The following TLL1 variants were observed in gnomAD, a reference collection of about 807,000 sequenced individuals.
TLL1 encodes the protein tolloid-like protein 1.
Under a neutral mutation model 128.2 loss-of-function variants are expected in TLL1, and 49 were observed. The ratio of observed to expected loss-of-function variants is 0.38; its 90% CI spans 0.30 to 0.48. The LOEUF is 0.48. Among genes scored for constraint, TLL1 ranks in the 20% least tolerant of loss-of-function variants. TLL1 has a pLI of 0.96. For synonymous variants in TLL1, 454 were observed against 418.8 expected, an observed-to-expected ratio of 1.08 and a Z score of -1.03; for missense variants, 1,123 against 1,242.0, an observed-to-expected ratio of 0.90 and a Z score of 1.44.
In TLL1 at chr4:165,927,647, G is replaced by A. The variant is rs186233462; in HGVS notation, c.169+53574G>A. On this transcript the variant is annotated intron_variant, in intron 1 of 20. Coordinates refer to ENST00000061240, the MANE Select transcript of TLL1 (RefSeq NM_012464.5). ...TCCTGTAAGATTGTTCATCTAGGGCGGTTATTCCCAACCAGGAGCAATTTT... is the reference window on the plus strand; with the variant it reads ...TCCTGTAAGATTGTTCATCTAGGGCAGTTATTCCCAACCAGGAGCAATTTT... Among the ~76,000 whole-genome samples, 105 of 152,216 alleles carry A rather than the reference G, an allele frequency of 6.9e-4. 1 individual carries two copies. The highest frequency in any genetic ancestry group is 2.4e-3 in the African/African-American group (99 of 41,546).
intron 1 of TLL1, among the ~76,000 whole-genome samples, chr4:165,984,690 T>A (rs1386587608): frequency 1.3e-5 from 2 of 151,930 alleles, no homozygotes; most frequent in Non-Finnish European, 2.9e-5. Context: ...ATCCCATAAA[T>A]CTCAAGATAA....
At chr4:165,878,073 C>T (rs995639404) in intron 1 of TLL1, among the ~76,000 whole-genome samples, 10 of 152,030 alleles carry the variant, frequency 6.6e-5, no homozygotes. Flanking sequence ...TAGTCAGTGC[C>T]CCAGTGTCCT....
At chr4:165,884,948 T>C (rs1731106540) in intron 1 of TLL1, among the ~76,000 whole-genome samples, 1 of 152,238 alleles carries the variant, frequency 6.6e-6, no homozygotes, top group Non-Finnish European at 1.5e-5. Flanking sequence ...TGTATCCTTA[T>C]TCTTAAATAC....
chr4:165,998,940 G>A (rs760103499), intron 5 of TLL1, among the ~76,000 whole-genome samples: 1 of 152,100 alleles, frequency 6.6e-6, no homozygotes, highest in Non-Finnish European at 1.5e-5. Context: ...TAGGCAGTAC[G>A]GGTGTGCTAG....
rs571697932 is a variant in TLL1 at position 166,043,119 on chromosome 4, A to G, written c.1379-155A>G. ...ACTAGGTTTTTTTTACCACATAAAT[A>G]TTTGCTACATTACAACCAGTCAACT... On this transcript the variant is annotated intron_variant, in intron 11 of 20. Transcript: ENST00000061240. 2.0e-5 allele frequency among the ~76,000 whole-genome samples: 3 copies of G among 152,234 alleles called. No individual in the cohort carries two copies. In the East Asian group the frequency reaches 5.8e-4, roughly 29 times the overall value.
Position 166,042,145 on chromosome 4 carries a change from T to C in TLL1, c.1378+2T>C, listed in dbSNP as rs1739266380. ...AAGGCTTTGCAGCTGTCTATGAAGG[T>C]AAGTCACATTGAATTTTAGAGAGTA... On this transcript the variant is annotated splice_donor_variant, in intron 11 of 20. Coordinates refer to ENST00000061240, the MANE Select transcript of TLL1 (RefSeq NM_012464.5). LOFTEE classifies it high-confidence loss of function. The C allele has an allele frequency of 6.3e-7, 1 of 1,591,500 alleles. No homozygotes were observed. The highest frequency in any genetic ancestry group is 1.3e-5 in the African/African-American group (1 of 74,478).
chr4:165,877,740 G>A (rs1215546106), intron 1 of TLL1, among the ~76,000 whole-genome samples: 1 of 148,196 alleles, frequency 6.7e-6, no homozygotes, highest in Admixed American at 6.7e-5. Flanking sequence ...TCCATTCCTT[G>A]CTTTTTTACT....
In TLL1 at chr4:165,873,640, C is replaced by T. The variant is rs28391614; in HGVS notation, c.-265C>T. ...AGTTTGCCTGCGCCCTCCCCGCCTC[C>T]GAGTGCAGAGTTCCTTACCTGCCCT... On this transcript the variant is annotated 5_prime_UTR_variant, in exon 1 of 21. Transcript: ENST00000061240. 7.3e-5 allele frequency: 24 copies of T among 330,746 alleles called. 1 individual carries two copies. Among genetic ancestry groups the T allele is most frequent in the Non-Finnish European group, 2.2e-5 (4 of 181,618 alleles). 20.5% of individuals were successfully genotyped at this position (330,746 alleles called of 1,614,324 possible).
intron 1 of TLL1, among the ~76,000 whole-genome samples, chr4:165,889,009 A>T (rs144036673): frequency 1.8e-4 from 28 of 152,248 alleles, no homozygotes; most frequent in Non-Finnish European, 2.6e-4. Flanking sequence ...TCTCTCATTC[A>T]CTCAGTGATG....
chr4:166,019,539 G>A (rs188504778), intron 8 of TLL1, among the ~76,000 whole-genome samples: 1 of 151,894 alleles, frequency 6.6e-6, no homozygotes, highest in Admixed American at 6.6e-5. Flanking sequence ...GCTTTATTAG[G>A]GCATTTTATG....
chr4:166,024,314 A>G (rs1201331614), intron 8 of TLL1, among the ~76,000 whole-genome samples: 1 of 152,150 alleles, frequency 6.6e-6, no homozygotes. Context: ...AGATCCATTT[A>G]TAATTTATTG....
At chr4:165,956,569 C>T (rs958175810) in intron 1 of TLL1, among the ~76,000 whole-genome samples, 2 of 151,994 alleles carry the variant, frequency 1.3e-5, no homozygotes, top group Non-Finnish European at 2.9e-5. Flanking sequence ...GCAGTCAGAC[C>T]TTATGGTTGT....
intron 18 of TLL1, among the ~76,000 whole-genome samples, chr4:166,085,982 A>C (rs1741495479): frequency 6.6e-6 from 1 of 152,132 alleles, no homozygotes; most frequent in Admixed American, 6.6e-5. Flanking sequence ...ATAGGTATAA[A>C]CAAGCTTTCT....
At chr4:165,939,715 G>T (rs1314498154) in intron 1 of TLL1, among the ~76,000 whole-genome samples, 1 of 151,820 alleles carries the variant, frequency 6.6e-6, no homozygotes, top group Non-Finnish European at 1.5e-5. Context: ...TGAGTCACAG[G>T]TATTTTTTAG....
rs1264740915 is a variant in TLL1, at chr4:166,060,070, C to T, written c.1889C>T (p.Thr630Ile). 6.2e-7 allele frequency: 1 copy of T among 1,613,734 alleles called. No individual in the cohort carries two copies. The highest frequency in any genetic ancestry group is 8.5e-7 in the Non-Finnish European group (1 of 1,179,846). The change falls in exon 15 of 21, where the codon ACC becomes ATC. Residue 630 changes from threonine (T) to isoleucine (I), a missense_variant. By Grantham distance (89) the Thr-to-Ile change is moderately conservative. Transcript: ENST00000061240. ...CTTACCAAACTTAACGGCACCATAA[C>T]CACCCCTGGCTGGCCCAAGGAGTAC... Reference protein sequence around the residue: ...GLLTKLNGTITTPGWPKEYPP... With the variant: ...GLLTKLNGTIITPGWPKEYPP...
intron 19 of TLL1, 137 bp from the exon 20 acceptor site, chr4:166,099,140 G>T: frequency 1.4e-6 from 2 of 1,385,614 alleles, no homozygotes; most frequent in Non-Finnish European, 2.0e-6. Flanking sequence ...CTCTCCAGTT[G>T]TGGAAAACAT....
intron 16 of TLL1, among the ~76,000 whole-genome samples, chr4:166,068,855 C>A (rs1176000789): frequency 6.6e-6 from 1 of 151,662 alleles, no homozygotes; most frequent in Non-Finnish European, 1.5e-5. Flanking sequence ...AAATGTTGTA[C>A]GTGGTAAAAT....
chr4:165,910,974 A>G (rs1179359772), intron 1 of TLL1, among the ~76,000 whole-genome samples: 2 of 152,174 alleles, frequency 1.3e-5, no homozygotes, highest in African/African-American at 4.8e-5. Flanking sequence ...AGAATGTGTA[A>G]TGATCAAGTT....
chr4:166,098,697 G>A (rs1742141303), intron 19 of TLL1, among the ~76,000 whole-genome samples: 1 of 151,958 alleles, frequency 6.6e-6, no homozygotes, highest in South Asian at 2.1e-4. Flanking sequence ...TACTACTATT[G>A]TATATATTCT....
Sources: allele counts gnomAD v4.1 joint callset (sites outside exome capture counted in the v4.1 genomes callset), GRCh38; gene constraint gnomAD v4.1.1; transcripts MANE v1.5; gene names NCBI Gene and HGNC (gene_info 2026-07-23, HGNC 2026-07-21).